Variants in ST18 observed in about 807,000 individuals in gnomAD.
The protein encoded by ST18 is suppression of tumorigenicity 18 protein.
A neutral mutation model predicts 110.0 loss-of-function variants in ST18; 50 were observed. The observed-to-expected ratio is 0.45, with a 90% CI of 0.36 to 0.58. ST18 has a LOEUF of 0.58. Among genes scored for constraint, ST18 ranks in the 20% least tolerant of loss-of-function variants. The pLI, the probability that ST18 is intolerant of heterozygous loss-of-function variation, is 0.00. For missense variants in ST18, 1,306 were observed against 1,280.1 expected (o/e 1.02, Z -0.31); for synonymous variants, 461 against 452.4 (o/e 1.02, Z -0.24).
At chr8:52,260,860 T>C (rs906640030) in intron 2 of ST18, among the ~76,000 whole-genome samples, 6 of 152,244 alleles carry the variant, frequency 3.9e-5, no homozygotes, top group Non-Finnish European at 4.4e-5. Context: ...CCAAGTTGCC[T>C]TCTAGCTGTG....
chr8:52,324,869 T>G (rs1487471295), intron 2 of ST18, among the ~76,000 whole-genome samples: 1 of 152,196 alleles, frequency 6.6e-6, no homozygotes, highest in Non-Finnish European at 1.5e-5. Flanking sequence ...AATCAATATG[T>G]GACAAAGCTG....
chr8:52,142,899 C>A (rs1403991625), intron 17 of ST18, 31 bp downstream of exon 17: 1 of 1,451,362 alleles, frequency 6.9e-7, no homozygotes, highest in African/African-American at 1.4e-5. Context: ...ATTCCAGAAT[C>A]TTAGAGGGCA....
intron 17 of ST18, among the ~76,000 whole-genome samples, chr8:52,140,511 G>A (rs927467389): frequency 4.0e-5 from 6 of 151,624 alleles, no homozygotes; most frequent in Admixed American, 1.3e-4. Context: ...GCAACAGAGC[G>A]GGACCCCATC....
intron 2 of ST18, among the ~76,000 whole-genome samples, chr8:52,273,504 A>G (rs1564386017): frequency 6.6e-6 from 1 of 152,196 alleles, no homozygotes; most frequent in East Asian, 1.9e-4. Context: ...AACTCAGAAT[A>G]TTCCACAATT....
chr8:52,312,206 T>C (rs1474587967), intron 2 of ST18, among the ~76,000 whole-genome samples: 1 of 152,126 alleles, frequency 6.6e-6, no homozygotes, highest in Non-Finnish European at 1.5e-5. Context: ...CTATATCCGA[T>C]TTACTAGGGT....
intron 16 of ST18, among the ~76,000 whole-genome samples, chr8:52,145,386 G>A (rs1376987808): frequency 6.6e-6 from 1 of 152,038 alleles, no homozygotes; most frequent in Admixed American, 6.6e-5. Flanking sequence ...TAAATATTTT[G>A]TAACTTTAAC....
intron 9 of ST18, 109 bp from the exon 10 acceptor site, chr8:52,172,692 TACAC>T (rs2065403162): frequency 8.0e-6 from 6 of 748,402 alleles, no homozygotes; most frequent in Non-Finnish European, 1.3e-5. Flanking sequence ...CATAGGTACA[TACAC>T]ATACATATAT....
intron 8 of ST18, among the ~76,000 whole-genome samples, chr8:52,193,881 C>A (rs899172517): frequency 6.6e-6 from 1 of 152,182 alleles, no homozygotes; most frequent in Non-Finnish European, 1.5e-5. Flanking sequence ...TACAGTGTGT[C>A]CAACAGTTAA....
At chr8:52,336,320 T>C (rs1812039841) in intron 2 of ST18, among the ~76,000 whole-genome samples, 1 of 152,044 alleles carries the variant, frequency 6.6e-6, no homozygotes, top group African/African-American at 2.4e-5. Flanking sequence ...CAGCTAATTT[T>C]TTCTATTTGC....
intron 8 of ST18, among the ~76,000 whole-genome samples, chr8:52,196,113 T>G (rs573920262): frequency 1.3e-5 from 2 of 152,276 alleles, no homozygotes; most frequent in South Asian, 4.1e-4. Flanking sequence ...AAAAATGACT[T>G]GGGTGCTGCT....
chr8:52,135,919 T>C (rs1211062450), intron 19 of ST18, among the ~76,000 whole-genome samples: 2 of 152,228 alleles, frequency 1.3e-5, no homozygotes, highest in Non-Finnish European at 2.9e-5. Flanking sequence ...TGTAAAAAGA[T>C]GTAATTAGTT....
chr8:52,182,608 A>C (rs1158199188), intron 8 of ST18, among the ~76,000 whole-genome samples: 1 of 152,160 alleles, frequency 6.6e-6, no homozygotes, highest in Non-Finnish European at 1.5e-5. Context: ...GTAAAATCAG[A>C]GTGGGATGGT....
intron 22 of ST18, among the ~76,000 whole-genome samples, chr8:52,128,737 G>A (rs1002227061): frequency 6.6e-6 from 1 of 152,182 alleles, no homozygotes; most frequent in East Asian, 1.9e-4. Flanking sequence ...CTTAGGGGAA[G>A]TGGGGTGACA....
intron 16 of ST18, among the ~76,000 whole-genome samples, chr8:52,146,820 T>G (rs2057435986): frequency 6.6e-6 from 1 of 151,870 alleles, no homozygotes. Context: ...AGAACAAGAG[T>G]GAGAAACCAT....
chr8:52,305,245 GC>G (rs2095794990), intron 2 of ST18, among the ~76,000 whole-genome samples: 1 of 152,184 alleles, frequency 6.6e-6, no homozygotes, highest in Non-Finnish European at 1.5e-5. Context: ...AGTAGGTCAT[GC>G]CCTCCTTTGG....
intron 2 of ST18, among the ~76,000 whole-genome samples, chr8:52,277,542 CTA>C (rs1293282286): frequency 6.6e-6 from 1 of 152,154 alleles, no homozygotes; most frequent in Non-Finnish European, 1.5e-5. Context: ...ATCATTTTAT[CTA>C]TGTTTGTGGT....
In ST18 at chr8:52,133,732, ATTATTATTG is replaced by A. The variant is rs1481157546; in HGVS notation, c.2301-440_2301-432del. Among the ~76,000 whole-genome samples, 913 of 149,468 alleles carry A rather than the reference ATTATTATTG, an allele frequency of 6.1e-3. 18 individuals carry two copies. The highest frequency in any genetic ancestry group is 0.022 in the African/African-American group (877 of 40,598). On this transcript the variant is annotated intron_variant, in intron 19 of 25. Transcript: ENST00000689386. ...CCAAATTATTATTATTATTATTATT[ATTATTATTG>A]TTATTATTGAGACAAAGTCTCGCTC...
chr8:52,195,295 T>G (rs76728165), intron 8 of ST18, among the ~76,000 whole-genome samples: 6,231 of 152,308 alleles, frequency 0.041, 161 homozygotes, highest in East Asian at 0.084. Context: ...AGACATTTAT[T>G]ACTATTTTTG....
intron 2 of ST18, among the ~76,000 whole-genome samples, chr8:52,254,072 A>G (rs1014923663): frequency 3.3e-5 from 5 of 152,094 alleles, no homozygotes; most frequent in African/African-American, 1.2e-4. Flanking sequence ...CAGAAGTTCA[A>G]AACAAACATC....
Sources: gnomAD v4.1 joint callset for allele counts (sites outside exome capture counted in the v4.1 genomes callset) on GRCh38, gnomAD v4.1.1 for gene constraint, MANE v1.5 for transcripts, NCBI Gene and HGNC (gene_info 2026-07-23, HGNC 2026-07-21) for gene names.